PITPNM2: variants seen among roughly 807,000 people sequenced by gnomAD.
PITPNM2 encodes membrane-associated phosphatidylinositol transfer protein 2.
Under a neutral mutation model 132.2 loss-of-function variants are expected in PITPNM2, and 35 were observed. The ratio of observed to expected loss-of-function variants is 0.26; its 90% confidence interval spans 0.20 to 0.35. The LOEUF (loss-of-function observed/expected upper bound fraction) is 0.35. PITPNM2 is among the 10% of genes least tolerant of loss of function. The pLI is 1.00. For missense variants in PITPNM2, 1,332 were observed against 1,912.0 expected, an observed-to-expected ratio of 0.70 and a Z score of 5.66; for synonymous variants, 738 against 799.2, an observed-to-expected ratio of 0.92 and a Z score of 1.29.
chr12:122,997,387 G>T lies in PITPNM2; in HGVS notation c.1410C>A (p.Arg470=). 4 of 1,613,468 alleles carry T rather than the reference G, an allele frequency of 2.5e-6. No individual in the cohort carries two copies. In the Admixed American group the frequency reaches 5.0e-5, roughly 20 times the overall value. The change falls in exon 11 of 26, where the codon CGC becomes CGA. Residue 470 remains arginine, a synonymous_variant. Transcript: ENST00000320201. ...GGCAGGGCACCAGGCGGATGGCAAGGCGGCCCAGGGCGCTGGGGTAGTGCA... is the reference window on the plus strand; with the variant it reads ...GGCAGGGCACCAGGCGGATGGCAAGTCGGCCCAGGGCGCTGGGGTAGTGCA... The part of the protein sequence containing the change: ...MRVHYPSALG[R]LAIRLVPCPP...
intron 1 of PITPNM2, among the ~76,000 whole-genome samples, chr12:123,116,419 G>A (rs917662690): frequency 1.3e-5 from 2 of 152,124 alleles, no homozygotes. Flanking sequence ...GGAGGCCAAG[G>A]TAAGAGGATC....
Position 122,987,796 on chromosome 12 carries a change from T to C in PITPNM2, c.3103A>G (p.Thr1035Ala). 2.5e-6 allele frequency: 4 copies of C among 1,613,948 alleles called. No homozygotes were observed. The highest frequency in any genetic ancestry group is 3.4e-6 in the Non-Finnish European group (4 of 1,179,996). Residue 1035 changes from threonine to alanine, a missense_variant, in exon 21 of 26, where the codon ACT (threonine) becomes GCT (alanine). This residue lies in a region of PITPNM2 where 251 missense variants were observed against 472.0 expected (regional missense o/e 0.53). Transcript: ENST00000320201. ...MYGPLDMVTL[T>A]GEKVDVHIMT... ...CGCCGTGTCCTTACCTTCTCCCCAG[T>C]CAGGGTGACCATGTCCAGGGGCCCA...
intron 1 of PITPNM2, among the ~76,000 whole-genome samples, chr12:123,113,594 A>G (rs1333064639): frequency 6.6e-6 from 1 of 152,154 alleles, no homozygotes. Context: ...CCAGCTACTC[A>G]GGAGGCTGAG....
chr12:123,137,673 A>C (rs2043410142), intron 1 of PITPNM2, among the ~76,000 whole-genome samples: 2 of 152,172 alleles, frequency 1.3e-5, no homozygotes, highest in South Asian at 4.1e-4. Context: ...CAGGCGGATC[A>C]CTTGAGGCCA....
intron 1 of PITPNM2, among the ~76,000 whole-genome samples, chr12:123,133,137 G>A (rs1303654487): frequency 6.6e-6 from 1 of 152,192 alleles, no homozygotes; most frequent in African/African-American, 2.4e-5. Flanking sequence ...CCACCAAATT[G>A]TCTTCCACAG....
chr12:123,032,680 T>C (rs1335270682), intron 3 of PITPNM2, among the ~76,000 whole-genome samples: 2 of 151,910 alleles, frequency 1.3e-5, no homozygotes, highest in Non-Finnish European at 2.9e-5. Context: ...TGGGTGGGAA[T>C]TGAGAAGCAG....
In PITPNM2 at chr12:123,008,508, C is replaced by T. The variant is rs1296454214; in HGVS notation, c.643+1342G>A. 6.6e-6 allele frequency among the ~76,000 whole-genome samples: 1 copy of T among 152,196 alleles called. No homozygotes were observed. Among genetic ancestry groups the T allele is most frequent in the African/African-American group, 2.4e-5 (1 of 41,446 alleles). On this transcript the variant is annotated intron_variant, in intron 6 of 25. Coordinates refer to ENST00000320201, the MANE Select transcript of PITPNM2 (RefSeq NM_020845.3). This position sits in a 1 kb window ranked among gnomAD's most constrained non-coding sequence, Gnocchi z 4.1. Reference sequence around the variant, plus strand: ...CCTCATATTGCCTGGGAAGTGAGAACCACCATTCCCATTTTGAGGCTTCAG... The same window carrying T: ...CCTCATATTGCCTGGGAAGTGAGAATCACCATTCCCATTTTGAGGCTTCAG...
chr12:123,112,966 T>C (rs1440726660), intron 1 of PITPNM2, among the ~76,000 whole-genome samples: 1 of 152,264 alleles, frequency 6.6e-6, no homozygotes, highest in Non-Finnish European at 1.5e-5. Context: ...TTCAGATCCC[T>C]GACTCTGTTT....
At chr12:123,109,170 A>T (rs2042783421) in intron 2 of PITPNM2, among the ~76,000 whole-genome samples, 1 of 152,198 alleles carries the variant, frequency 6.6e-6, no homozygotes, top group Non-Finnish European at 1.5e-5. Context: ...GCTTCCCTTG[A>T]TGGAACATCC....
intron 1 of PITPNM2, among the ~76,000 whole-genome samples, chr12:123,116,611 T>C (rs1290782274): frequency 6.8e-6 from 1 of 146,502 alleles, no homozygotes; most frequent in Non-Finnish European, 1.5e-5. Flanking sequence ...ATTATGTCAC[T>C]GCACTCTAGC....
At chr12:123,102,467 C>T (rs146444064) in intron 2 of PITPNM2, among the ~76,000 whole-genome samples, 10 of 152,250 alleles carry the variant, frequency 6.6e-5, no homozygotes, top group Non-Finnish European at 1.5e-4. Context: ...GTGATGGGGA[C>T]GATGAAGTTA....
chr12:122,996,941 G>C, intron 11 of PITPNM2, 31 bp from the exon 12 acceptor site: 1 of 1,532,544 alleles, frequency 6.5e-7, no homozygotes, highest in Non-Finnish European at 8.7e-7. Context: ...AGAGAGGGCA[G>C]GCGGCTCCAG....
chr12:123,015,066 T>C (rs1181506856), intron 3 of PITPNM2, among the ~76,000 whole-genome samples: 2 of 152,232 alleles, frequency 1.3e-5, no homozygotes, highest in African/African-American at 2.4e-5. Flanking sequence ...ACATCCCGTG[T>C]TGATGGATTG....
intron 5 of PITPNM2, among the ~76,000 whole-genome samples, chr12:123,012,229 T>C (rs918438066): frequency 1.3e-5 from 2 of 152,254 alleles, no homozygotes; most frequent in African/African-American, 4.8e-5. Flanking sequence ...CACTGTCATC[T>C]GGAGGTAGTG....
chr12:123,142,102 G>A (rs974645343), intron 1 of PITPNM2, among the ~76,000 whole-genome samples: 6 of 152,164 alleles, frequency 3.9e-5, no homozygotes, highest in Non-Finnish European at 7.3e-5. Context: ...AAATTGCACC[G>A]GTCAGCAGTC....
At chr12:123,127,984 T>A (rs548722445) in intron 1 of PITPNM2, among the ~76,000 whole-genome samples, 2 of 152,062 alleles carry the variant, frequency 1.3e-5, no homozygotes, top group African/African-American at 4.8e-5. Flanking sequence ...GAAGGCATGC[T>A]TGTCTTGCAA....
intron 1 of PITPNM2, among the ~76,000 whole-genome samples, chr12:123,132,516 T>C: frequency 7.3e-6 from 1 of 137,110 alleles, no homozygotes. Flanking sequence ...TGTTCTTTTC[T>C]TTCCCTTTTT....
At position 122,995,575 on chromosome 12, in the gene PITPNM2, C is replaced by T; in HGVS notation, c.1868G>A (p.Ser623Asn). 2 of 1,606,106 alleles carry T rather than the reference C, an allele frequency of 1.2e-6. No homozygotes were observed. Among genetic ancestry groups the T allele is most frequent in the Non-Finnish European group, 1.7e-6 (2 of 1,179,630 alleles). Residue 623 changes from serine to asparagine, a missense_variant, in exon 14 of 26, where the codon AGC (serine) becomes AAC (asparagine). Coordinates refer to ENST00000320201, the MANE Select transcript of PITPNM2 (RefSeq NM_020845.3). ...GGGGGGGGGG[S>N]SGGGGSSGGS... ...ACCACTACTGCCACCACCACCACTG[C>T]TGCCACCACCGCCACCGCCGCCACC...
chr12:122,992,392 G>A lies in PITPNM2; in HGVS notation c.2404+107C>T. 7.6e-7 allele frequency: 1 copy of A among 1,319,106 alleles called. No individual in the cohort carries two copies. Among genetic ancestry groups the A allele is most frequent in the Non-Finnish European group, 1.0e-6 (1 of 981,338 alleles). The allele number at this position is 1,319,106 out of a possible 1,614,324, so 81.7% of individuals were successfully genotyped here. A position where few individuals can be genotyped will look rare whatever the true frequency, so the allele number is the denominator to read the frequency against. On this transcript the variant is annotated intron_variant, in intron 16 of 25. Transcript: ENST00000320201. This position sits in a 1 kb window ranked among gnomAD's most constrained non-coding sequence, Gnocchi z 6.5. ...CTCCAAGAGGCATTCAGCACAAGCT[G>A]TCCCTCTCACCTGGGGAAGAACCAC...
Sources: gnomAD v4.1 joint callset for allele counts (sites outside exome capture counted in the v4.1 genomes callset) on GRCh38, gnomAD v4.1.1 for gene constraint, gnomAD v4.1.1 regional missense constraint, Gnocchi (gnomAD v3.1) non-coding constraint, MANE v1.5 for transcripts, NCBI Gene and HGNC (gene_info 2026-07-23, HGNC 2026-07-21) for gene names.